The following GABPB2 variants were observed in gnomAD, a reference collection of about 807,000 sequenced individuals.
GABPB2 encodes the protein GA binding protein transcription factor subunit beta 2, also known as GA-binding protein subunit beta-2.
In GABPB2, 23 loss-of-function variants were observed where a neutral mutation model predicts 39.1. The ratio of observed to expected loss-of-function variants is 0.59; its 90% CI spans 0.42 to 0.83. The LOEUF (loss-of-function observed/expected upper bound fraction) is 0.83. Ranked by LOEUF, GABPB2 falls within the 40% of genes least tolerant of loss-of-function variation. The probability of loss-of-function intolerance (pLI) is 0.00; values close to 1 mark genes in which losing one functional copy is unlikely to be tolerated. For missense variants in GABPB2, 467 were observed against 541.1 expected (o/e 0.86, Z 1.36); for synonymous variants, 184 against 199.3 (o/e 0.92, Z 0.65).
intron 1 of GABPB2, among the ~76,000 whole-genome samples, chr1:151,078,750 C>G (rs1213908417): frequency 6.6e-6 from 1 of 152,004 alleles, no homozygotes; most frequent in African/African-American, 2.4e-5. Context: ...AGTGATTCTC[C>G]TGCCTCAGCC....
In GABPB2 at chr1:151,110,327, A is replaced by G. The variant is rs967640074; in HGVS notation, c.922+3105A>G. 3.3e-5 allele frequency among the ~76,000 whole-genome samples: 5 copies of G among 152,010 alleles called. No homozygotes were observed. The East Asian group carries it at 7.7e-4, about 24-fold the overall frequency. ...AAATTCTAATTTATGCATTGCTGAT[A>G]TTTTTGTGAACATAGTTATCATTTT... On this transcript the variant is annotated intron_variant, in intron 7 of 8. Transcript: ENST00000368918.
chr1:151,090,568 G>C lies in GABPB2; in HGVS notation c.271G>C (p.Val91Leu). 6.2e-7 allele frequency: 1 copy of C among 1,613,492 alleles called. No homozygotes were observed. Among genetic ancestry groups the C allele is most frequent in the East Asian group, 2.2e-5 (1 of 44,880 alleles). ...ACATGCGCACATCGTGGAACTGCTT[G>C]TTCGGGTAAAGCAAGAATAGGGGCA... ...DGHAHIVELL[V>L]RNGADVNAKD... The change falls in exon 3 of 9, where the codon GTT becomes CTT. Residue 91 changes from valine (V) to leucine (L), a missense_variant. Val to Leu is a conservative substitution (Grantham distance 32). Transcript: ENST00000368918.
intron 1 of GABPB2, among the ~76,000 whole-genome samples, chr1:151,072,582 T>C (rs2102988115): frequency 6.6e-6 from 1 of 150,538 alleles, no homozygotes; most frequent in Admixed American, 6.6e-5. Flanking sequence ...GTGGTGGCTC[T>C]GGCCTGTAAT....
intron 6 of GABPB2, among the ~76,000 whole-genome samples, chr1:151,105,292 A>T (rs942535148): frequency 2.6e-5 from 4 of 151,890 alleles, no homozygotes; most frequent in African/African-American, 7.2e-5. Flanking sequence ...TGACTAATCA[A>T]ACTGAAAATC....
At chr1:151,085,541 C>T (rs1050825860) in intron 1 of GABPB2, among the ~76,000 whole-genome samples, 23 of 152,092 alleles carry the variant, frequency 1.5e-4, no homozygotes, top group South Asian at 2.1e-4. Context: ...CCAGGGTTCA[C>T]ACCATTCTCC....
intron 1 of GABPB2, among the ~76,000 whole-genome samples, chr1:151,075,437 G>A (rs1471435917): frequency 5.9e-5 from 9 of 151,786 alleles, no homozygotes; most frequent in African/African-American, 1.9e-4. Context: ...GGTGGCGGGC[G>A]CCTGTAGTCC....
rs916795812 is a variant in GABPB2, at chr1:151,103,784, A to C, written c.736+109A>C. 7 of 722,520 alleles carry C rather than the reference A, an allele frequency of 9.7e-6. No individual in the cohort carries two copies. In the African/African-American group the frequency reaches 1.2e-4, roughly 13 times the overall value. 44.8% of individuals were successfully genotyped at this position (722,520 alleles called of 1,614,324 possible). A position where few individuals can be genotyped will look rare whatever the true frequency, so the allele number is the denominator to read the frequency against. ...TTATTAAAGAATTGCATTTAATTAG[A>C]GGCAGCTAAGGAAAAGGGATGTGGC... On this transcript the variant is annotated intron_variant, in intron 6 of 8. Transcript: ENST00000368918.
intron 5 of GABPB2, among the ~76,000 whole-genome samples, chr1:151,100,393 A>G (rs2101527478): frequency 6.7e-6 from 1 of 149,968 alleles, no homozygotes; most frequent in East Asian, 2.0e-4. Flanking sequence ...TCCACTCGCC[A>G]TGGCCTCCTA....
At chr1:151,106,060 C>T (rs1193718526) in intron 6 of GABPB2, among the ~76,000 whole-genome samples, 1 of 151,542 alleles carries the variant, frequency 6.6e-6, no homozygotes, top group Non-Finnish European at 1.5e-5. Context: ...CTCCCAGGTT[C>T]AAGCAATTCC....
Position 151,118,136 on chromosome 1 carries a change from T to A in GABPB2, c.1227T>A (p.Ala409=). The change falls in exon 9 of 9, where the codon GCT becomes GCA. Residue 409 remains alanine, a synonymous_variant. Coordinates refer to ENST00000368918, the MANE Select transcript of GABPB2 (RefSeq NM_144618.3). ...GVDFTMVEEV[A]EVDAVVVTEG... is the part of the protein sequence containing the mutation. ...ATTTCACCATGGTTGAAGAGGTGGC[T>A]GAGGTAGATGCTGTAGTAGTCACAG... The A allele has an allele frequency of 6.2e-7, 1 of 1,614,072 alleles. No individual in the cohort carries two copies. Among genetic ancestry groups the A allele is most frequent in the Non-Finnish European group, 8.5e-7 (1 of 1,180,010 alleles).
intron 4 of GABPB2, 24 bp from the exon 5 acceptor site, chr1:151,097,828 G>A (rs761162733): frequency 1.3e-6 from 2 of 1,599,112 alleles, no homozygotes; most frequent in Non-Finnish European, 1.7e-6. Context: ...TGTTCTGATT[G>A]AAATATCCTG....
chr1:151,094,269 C>G (rs1178893909), intron 4 of GABPB2, among the ~76,000 whole-genome samples: 1 of 151,834 alleles, frequency 6.6e-6, no homozygotes, highest in African/African-American at 2.4e-5. Context: ...CCAGGCTGGT[C>G]TCGAACTCCT....
At chr1:151,098,088 C>G (rs1188391274) in intron 5 of GABPB2, 86 bp downstream of exon 5, 1 of 1,067,082 alleles carries the variant, frequency 9.4e-7, no homozygotes. Flanking sequence ...GATACCCTTT[C>G]TAATACTCCT....
At chr1:151,077,110 A>C (rs986625254) in intron 1 of GABPB2, among the ~76,000 whole-genome samples, 1 of 152,108 alleles carries the variant, frequency 6.6e-6, no homozygotes, top group African/African-American at 2.4e-5. Context: ...AAGAATAATG[A>C]TTTTTCACAT....
At chr1:151,107,990 A>G (rs1441352352) in intron 7 of GABPB2, among the ~76,000 whole-genome samples, 2 of 152,188 alleles carry the variant, frequency 1.3e-5, no homozygotes, top group Non-Finnish European at 2.9e-5. Context: ...CTTCATTCAT[A>G]ACGAGAAGTG....
At position 151,070,945 on chromosome 1, in the gene GABPB2, A is replaced by G. The variant is rs1293264227; in HGVS notation, c.-1+11A>G. 6.6e-6 allele frequency: 1 copy of G among 152,182 alleles called. No individual in the cohort carries two copies. Among genetic ancestry groups the G allele is most frequent in the African/African-American group, 2.4e-5 (1 of 41,406 alleles). 9.4% of individuals were successfully genotyped at this position (152,182 alleles called of 1,614,324 possible). A position where few individuals can be genotyped will look rare whatever the true frequency, so the allele number is the denominator to read the frequency against. The stretch of plus-strand genomic sequence containing the variant: ...GTCCCGGACGAGGAGGTGAGGAGGA[A>G]AGAAGAGATGTGTGGACTCCGGGGG... On this transcript the variant is annotated intron_variant, in intron 1 of 8. Transcript: ENST00000368918.
At chr1:151,081,086 G>T (rs1677645718) in intron 1 of GABPB2, among the ~76,000 whole-genome samples, 1 of 150,996 alleles carries the variant, frequency 6.6e-6, no homozygotes, top group Non-Finnish European at 1.5e-5. Context: ...TGTTAGCCAG[G>T]ATGGTCTCGG....
intron 6 of GABPB2, among the ~76,000 whole-genome samples, chr1:151,103,943 T>C (rs367957725): frequency 7.9e-5 from 12 of 152,220 alleles, no homozygotes; most frequent in African/African-American, 2.4e-4. Context: ...TTACTTCAGA[T>C]TGAAATGTCT....
chr1:151,082,302 C>G (rs184990428), intron 1 of GABPB2, among the ~76,000 whole-genome samples: 1 of 151,042 alleles, frequency 6.6e-6, no homozygotes, highest in East Asian at 2.0e-4. Context: ...GTCTCAAACT[C>G]CTGACCTCAG....
Sources: gnomAD v4.1 joint callset for allele counts (sites outside exome capture counted in the v4.1 genomes callset) on GRCh38, gnomAD v4.1.1 for gene constraint, MANE v1.5 for transcripts, NCBI Gene and HGNC (gene_info 2026-07-23, HGNC 2026-07-21) for gene names.